DOCK3: variants seen among roughly 807,000 people sequenced by gnomAD.
DOCK3 encodes the protein dedicator of cytokinesis 3, also known as dedicator of cytokinesis protein 3.
Under a neutral mutation model 265.6 loss-of-function variants are expected in DOCK3, and 60 were observed. The observed-to-expected ratio is 0.23, with a 90% CI of 0.18 to 0.28. The LOEUF (loss-of-function observed/expected upper bound fraction) is 0.28, where lower values mean the gene tolerates loss of function less well. DOCK3 is among the 10% of genes least tolerant of loss of function. The pLI is 1.00. For synonymous variants in DOCK3, 881 were observed against 938.0 expected (o/e 0.94, Z 1.11); for missense variants, 1,981 against 2,594.3 (o/e 0.76, Z 5.14).
At chr3:50,841,420 C>T (rs142963031) in intron 2 of DOCK3, among the ~76,000 whole-genome samples, 99 of 152,264 alleles carry the variant, frequency 6.5e-4, no homozygotes, top group Non-Finnish European at 1.2e-3. Flanking sequence ...ATTACATGTC[C>T]TCTGAAGTCT....
chr3:50,942,535 T>C (rs563679540), intron 5 of DOCK3, among the ~76,000 whole-genome samples: 1 of 152,154 alleles, frequency 6.6e-6, no homozygotes, highest in African/African-American at 2.4e-5. Flanking sequence ...TCCTTTTTGG[T>C]ATTAATGTAT....
chr3:50,806,419 G>A (rs542022775), intron 2 of DOCK3, among the ~76,000 whole-genome samples: 4 of 151,956 alleles, frequency 2.6e-5, no homozygotes, highest in African/African-American at 9.7e-5. Context: ...GTAGGCCAGG[G>A]GCATGTCTGT....
chr3:51,222,527 A>G (rs2090145849), intron 14 of DOCK3, among the ~76,000 whole-genome samples: 1 of 152,206 alleles, frequency 6.6e-6, no homozygotes, highest in Non-Finnish European at 1.5e-5. Context: ...TCCCAGCAAC[A>G]TTCATTTTCA....
intron 3 of DOCK3, among the ~76,000 whole-genome samples, chr3:50,883,124 G>A (rs1322009393): frequency 1.3e-5 from 2 of 152,070 alleles, no homozygotes. Flanking sequence ...TCGTGGGGTG[G>A]GGGAATGGGG....
intron 5 of DOCK3, among the ~76,000 whole-genome samples, chr3:50,980,402 A>G (rs2077645880): frequency 6.6e-6 from 1 of 152,166 alleles, no homozygotes; most frequent in East Asian, 1.9e-4. Context: ...CATCAGGGAT[A>G]TTGTCCTGTA....
At chr3:51,027,646 G>C (rs1318065243) in intron 5 of DOCK3, among the ~76,000 whole-genome samples, 1 of 152,020 alleles carries the variant, frequency 6.6e-6, no homozygotes, top group African/African-American at 2.4e-5. Context: ...ATATATTTAG[G>C]ATAGTTAACT....
chr3:50,936,819 C>G (rs1409312832), intron 5 of DOCK3, among the ~76,000 whole-genome samples: 2 of 151,962 alleles, frequency 1.3e-5, no homozygotes, highest in East Asian at 1.9e-4. Flanking sequence ...GGAAGTTGTT[C>G]AGAAAGAAAG....
chr3:50,986,809 G>A (rs1384292828), intron 5 of DOCK3, among the ~76,000 whole-genome samples: 6 of 152,052 alleles, frequency 3.9e-5, no homozygotes, highest in Non-Finnish European at 8.8e-5. Context: ...CTAAGCACAG[G>A]CTTGCTTTTT....
At chr3:51,292,887 G>T (rs530892450) in intron 27 of DOCK3, among the ~76,000 whole-genome samples, 6 of 151,984 alleles carry the variant, frequency 3.9e-5, no homozygotes, top group Non-Finnish European at 8.8e-5. Flanking sequence ...TACCATGTTG[G>T]CCAGGTTTCA....
intron 24 of DOCK3, among the ~76,000 whole-genome samples, 183 bp from the exon 25 acceptor site, chr3:51,274,896 A>G (rs1030864719): frequency 6.6e-6 from 1 of 152,182 alleles, no homozygotes; most frequent in Non-Finnish European, 1.5e-5. Flanking sequence ...ATGTCATGTG[A>G]TGGCTTATAA....
intron 19 of DOCK3, among the ~76,000 whole-genome samples, chr3:51,232,619 A>T (rs2078174975): frequency 6.6e-6 from 1 of 152,196 alleles, no homozygotes; most frequent in Non-Finnish European, 1.5e-5. Flanking sequence ...TGTTTCCCTG[A>T]TGATTAATGA....
chr3:50,975,597 A>C (rs1394032627), intron 5 of DOCK3, among the ~76,000 whole-genome samples: 3 of 149,974 alleles, frequency 2.0e-5, no homozygotes, highest in Admixed American at 1.3e-4. Flanking sequence ...TTGGCCTAAA[A>C]TTCTCTTTTT....
At chr3:50,952,897 A>T (rs943296548) in intron 5 of DOCK3, among the ~76,000 whole-genome samples, 1 of 152,190 alleles carries the variant, frequency 6.6e-6, no homozygotes, top group African/African-American at 2.4e-5. Flanking sequence ...AATAAATAAC[A>T]GTACATGAAG....
At chr3:51,127,791 T>G (rs554219667) in intron 9 of DOCK3, among the ~76,000 whole-genome samples, 180 of 152,310 alleles carry the variant, frequency 1.2e-3, no homozygotes, top group Non-Finnish European at 1.9e-3. Context: ...TTTTTCCTGG[T>G]GGAGTGACCC....
At chr3:51,045,144 C>A (rs538385269) in intron 5 of DOCK3, among the ~76,000 whole-genome samples, 1 of 152,124 alleles carries the variant, frequency 6.6e-6, no homozygotes, top group African/African-American at 2.4e-5. Context: ...TAAGCTTAAT[C>A]ATTTCTAGCT....
intron 5 of DOCK3, among the ~76,000 whole-genome samples, chr3:51,050,418 G>A (rs1407499896): frequency 6.6e-6 from 1 of 152,140 alleles, no homozygotes; most frequent in Non-Finnish European, 1.5e-5. Flanking sequence ...TCAGTAAACA[G>A]CAGGCCAGTT....
intron 5 of DOCK3, among the ~76,000 whole-genome samples, chr3:51,007,614 C>T (rs1045016539): frequency 2.0e-4 from 30 of 152,192 alleles, no homozygotes; most frequent in African/African-American, 7.0e-4. Flanking sequence ...TGCAGAAGCT[C>T]TTTAGTTTAA....
chr3:50,920,763 A>C (rs1057172848), intron 4 of DOCK3, among the ~76,000 whole-genome samples: 13 of 151,732 alleles, frequency 8.6e-5, no homozygotes, highest in Non-Finnish European at 1.5e-4. Flanking sequence ...TTCTGCTCTG[A>C]TCTTAGTTAT....
rs574706060 is a variant in DOCK3, at chr3:51,268,571, T to C, written c.2356-2244T>C. Among the ~76,000 whole-genome samples the C allele has an allele frequency of 4.6e-5, 7 of 152,336 alleles. No homozygotes were observed. In the South Asian group the frequency reaches 1.4e-3, roughly 32 times the overall value. On this transcript the variant is annotated intron_variant, in intron 23 of 52. Transcript: ENST00000266037. ...CCAGTCATTCAGTCACTGCCAGGTA[T>C]ATTGTTAGCCCAAGTATATATTTAA...
Sources: allele counts gnomAD v4.1 joint callset (sites outside exome capture counted in the v4.1 genomes callset), GRCh38; gene constraint gnomAD v4.1.1; transcripts MANE v1.5; gene names NCBI Gene and HGNC (gene_info 2026-07-23, HGNC 2026-07-21).